The following ZNF512 variants were observed in gnomAD, a reference collection of about 807,000 sequenced individuals.
ZNF512 encodes the protein zinc finger protein 512.
In ZNF512, 25 loss-of-function variants were observed where a neutral mutation model predicts 77.5. The observed-to-expected ratio is 0.32, with a 90% CI of 0.23 to 0.45. The LOEUF (loss-of-function observed/expected upper bound fraction) is 0.45, where lower values mean the gene tolerates loss of function less well. Among genes scored for constraint, ZNF512 ranks in the 20% least tolerant of loss-of-function variants. ZNF512 has a pLI of 1.00. For synonymous variants in ZNF512, 246 were observed against 239.9 expected (o/e 1.03, Z -0.24); for missense variants, 483 against 692.6 (o/e 0.70, Z 3.40).
intron 3 of ZNF512, among the ~76,000 whole-genome samples, chr2:27,598,456 C>T (rs1306255047): frequency 1.3e-5 from 2 of 151,986 alleles, no homozygotes; most frequent in Non-Finnish European, 1.5e-5. Flanking sequence ...GGTGAAACCC[C>T]GTCTCTACTA....
chr2:27,615,334 T>A, intron 11 of ZNF512, 65 bp downstream of exon 11: 1 of 1,079,278 alleles, frequency 9.3e-7, no homozygotes, highest in Non-Finnish European at 1.3e-6. Flanking sequence ...CTTCTGTTAT[T>A]TATTCCTTCA....
At chr2:27,600,573 G>T (rs546524560) in intron 5 of ZNF512, 118 bp from the exon 6 acceptor site, 15 of 1,188,012 alleles carry the variant, frequency 1.3e-5, no homozygotes, top group South Asian at 1.6e-5. Flanking sequence ...CCTCTTCATC[G>T]CAGTCTACCA....
At chr2:27,614,078 A>G (rs962337117) in intron 10 of ZNF512, among the ~76,000 whole-genome samples, 1 of 152,204 alleles carries the variant, frequency 6.6e-6, no homozygotes, top group South Asian at 2.1e-4. Flanking sequence ...ATTCTTTTAT[A>G]GATTTACCAG....
intron 10 of ZNF512, among the ~76,000 whole-genome samples, chr2:27,608,539 G>A (rs1041357709): frequency 2.0e-5 from 3 of 151,812 alleles, no homozygotes; most frequent in Admixed American, 2.0e-4. Flanking sequence ...TACTTTTATT[G>A]TTCCCCTACA....
chr2:27,587,972 G>A (rs1301251216), intron 2 of ZNF512, among the ~76,000 whole-genome samples: 1 of 151,260 alleles, frequency 6.6e-6, no homozygotes, highest in Non-Finnish European at 1.5e-5. Flanking sequence ...GAGCCACCGC[G>A]CCCAGCCTTC....
chr2:27,613,495 CAA>C (rs147903009), intron 10 of ZNF512, among the ~76,000 whole-genome samples: 4 of 128,302 alleles, frequency 3.1e-5, no homozygotes, highest in Admixed American at 7.9e-5. Flanking sequence ...GACTCCATCT[CAA>C]AAAAAAAAAA....
chr2:27,604,995 A>G (rs1032565820), intron 9 of ZNF512, among the ~76,000 whole-genome samples: 2 of 152,116 alleles, frequency 1.3e-5, no homozygotes, highest in African/African-American at 4.8e-5. Context: ...TCCATTTGTG[A>G]TTCATCCATG....
intron 1 of ZNF512, 43 bp downstream of exon 1, chr2:27,583,185 G>A: frequency 6.2e-7 from 1 of 1,614,092 alleles, no homozygotes; most frequent in Non-Finnish European, 8.5e-7. Context: ...AGGTAGCGCT[G>A]TCGAGCCCGG....
At chr2:27,615,505 T>C (rs1290258350) in intron 11 of ZNF512, among the ~76,000 whole-genome samples, 1 of 152,238 alleles carries the variant, frequency 6.6e-6, no homozygotes, top group Non-Finnish European at 1.5e-5. Flanking sequence ...AAACTCAGAC[T>C]GGAATGTTCA....
At chr2:27,618,734 TA>T (rs2148048129) in intron 13 of ZNF512, among the ~76,000 whole-genome samples, 2 of 152,334 alleles carry the variant, frequency 1.3e-5, no homozygotes, top group South Asian at 4.1e-4. Flanking sequence ...AAAAATGCTT[TA>T]AAGTTCAGAA....
chr2:27,615,907 T>TGTA (rs1672860105), intron 11 of ZNF512, among the ~76,000 whole-genome samples: 1 of 152,116 alleles, frequency 6.6e-6, no homozygotes, highest in African/African-American at 2.4e-5. Flanking sequence ...GATTCAGTAC[T>TGTA]TTGCAGAGGA....
intron 11 of ZNF512, among the ~76,000 whole-genome samples, chr2:27,615,886 C>T (rs1335943865): frequency 1.3e-5 from 2 of 152,092 alleles, no homozygotes; most frequent in African/African-American, 4.8e-5. Flanking sequence ...TAAACTATCA[C>T]AGCTATAGTA....
At position 27,607,951 on chromosome 2, in the gene ZNF512, A is replaced by G. The variant is rs1277595719; in HGVS notation, c.1043A>G (p.Tyr348Cys). 1 of 1,614,062 alleles carries G rather than the reference A, an allele frequency of 6.2e-7. No individual in the cohort carries two copies. The highest frequency in any genetic ancestry group is 2.2e-5 in the East Asian group (1 of 44,880). ...VQRRSAKIAV[Y>C]HLQELASAEL... ...AGACGTTCTGCCAAGATAGCTGTAT[A>G]CCACCTACAGGAGCTGGCCTCTGCT... Residue 348 changes from tyrosine (Y) to cysteine (C), a missense_variant, in exon 10 of 14, where the codon TAC becomes TGC. By Grantham distance (194) the Tyr-to-Cys change is radical. Around this residue, in one of 2 missense-constraint regions of ZNF512, gnomAD observed 324 missense variants for 525.0 expected, o/e 0.62. Transcript: ENST00000355467.
intron 10 of ZNF512, among the ~76,000 whole-genome samples, chr2:27,614,077 T>C (rs536244830): frequency 2.6e-5 from 4 of 152,250 alleles, no homozygotes; most frequent in Non-Finnish European, 4.4e-5. Flanking sequence ...TATTCTTTTA[T>C]AGATTTACCA....
chr2:27,593,279 G>T (rs1671684988), intron 2 of ZNF512, among the ~76,000 whole-genome samples: 1 of 149,746 alleles, frequency 6.7e-6, no homozygotes, highest in African/African-American at 2.5e-5. Flanking sequence ...GCACACACTT[G>T]TGGTCTCAGC....
chr2:27,599,964 T>C lies in ZNF512; in HGVS notation c.374-6T>C. ...TGCTGGGCTTCAAGTTTCTGTCTTA[T>C]GTCAGGGAGGAAGCAACGGCCTAAA... is the stretch of plus-strand genomic sequence containing the variant. On this transcript the variant is annotated splice_polypyrimidine_tract_variant and splice_region_variant and intron_variant, in intron 4 of 13. Coordinates refer to ENST00000355467, the MANE Select transcript of ZNF512 (RefSeq NM_032434.4). The C allele has an allele frequency of 1.9e-6, 3 of 1,614,166 alleles. No individual in the cohort carries two copies. Among genetic ancestry groups the C allele is most frequent in the African/African-American group, 1.3e-5 (1 of 75,052 alleles).
At chr2:27,584,870 T>C (rs1189899962) in intron 2 of ZNF512, among the ~76,000 whole-genome samples, 2 of 152,174 alleles carry the variant, frequency 1.3e-5, no homozygotes, top group African/African-American at 4.8e-5. Flanking sequence ...TGTTACGGCA[T>C]GCTAAAGTGT....
At chr2:27,617,608 G>C (rs1374326825) in intron 13 of ZNF512, 37 bp downstream of exon 13, 2 of 812,494 alleles carry the variant, frequency 2.5e-6, no homozygotes, top group East Asian at 2.4e-5. Flanking sequence ...TGATATGTAA[G>C]CCACAAGAGA....
At chr2:27,584,964 T>C (rs1671264692) in intron 2 of ZNF512, among the ~76,000 whole-genome samples, 2 of 152,232 alleles carry the variant, frequency 1.3e-5, no homozygotes, top group African/African-American at 4.8e-5. Flanking sequence ...TTATGAAGGA[T>C]GGATTTGGAA....
Sources: allele counts gnomAD v4.1 joint callset (sites outside exome capture counted in the v4.1 genomes callset), GRCh38; gene constraint gnomAD v4.1.1; regional missense constraint gnomAD v4.1.1; transcripts MANE v1.5; gene names NCBI Gene and HGNC (gene_info 2026-07-23, HGNC 2026-07-21).